The following LSG1 variants were observed in gnomAD, a reference collection of about 807,000 sequenced individuals.
The protein encoded by LSG1 is large subunit GTPase 1 homolog.
Under a neutral mutation model 82.6 loss-of-function variants are expected in LSG1, and 55 were observed. That is an observed-to-expected ratio of 0.67 (90% confidence interval 0.54 to 0.83). The LOEUF is 0.83. Ranked by LOEUF, LSG1 falls within the 40% of genes least tolerant of loss-of-function variation. The pLI is 0.00. For missense variants in LSG1, 809 were observed against 807.9 expected (o/e 1.00, Z -0.02); for synonymous variants, 272 against 282.5 (o/e 0.96, Z 0.37).
At position 194,653,067 on chromosome 3, in the gene LSG1, A is replaced by T; in HGVS notation, c.835T>A (p.Ser279Thr). 6.2e-7 allele frequency: 1 copy of T among 1,614,232 alleles called. No individual in the cohort carries two copies. Among genetic ancestry groups the T allele is most frequent in the Non-Finnish European group, 8.5e-7 (1 of 1,180,042 alleles). Reference protein sequence around the residue: ...GHSSFDQAEISHSESEHLPAR... With the variant: ...GHSSFDQAEITHSESEHLPAR... ...GGGAGATGTTCGGATTCACTGTGGG[A>T]AATTTCAGCCTGGTCGAAACTGGAA... Residue 279 changes from serine (S) to threonine (T), a missense_variant, in exon 8 of 14, where the codon TCC (serine) becomes ACC (threonine). By Grantham distance (58) the Ser-to-Thr change is moderately conservative. Coordinates refer to ENST00000265245, the MANE Select transcript of LSG1 (RefSeq NM_018385.3).
intron 11 of LSG1, 114 bp downstream of exon 11, chr3:194,648,567 A>C: frequency 8.4e-7 from 1 of 1,193,498 alleles, no homozygotes; most frequent in African/African-American, 1.5e-5. Flanking sequence ...CTGAAGAAAT[A>C]TTATAAATGT....
chr3:194,642,507 G>A, intron 13 of LSG1, among the ~76,000 whole-genome samples: 1 of 151,580 alleles, frequency 6.6e-6, no homozygotes, highest in East Asian at 1.9e-4. Flanking sequence ...AATACCAGCT[G>A]TGTTCTGGAA....
In LSG1 at chr3:194,666,221, C is replaced by T. The variant is rs1234175419; in HGVS notation, c.416G>A (p.Trp139Ter). ...TACTCACCGGACAAGCTGACGTCTC[C>T]ATTCTAGAAAGTTATCTTTCTCTGC... The part of the protein sequence containing the change: ...KQAEKDNFLE[W>*]RRQLVRLEEE... Residue 139 changes from tryptophan to a stop codon, truncating the protein, a stop_gained, in exon 4 of 14, where the codon TGG (tryptophan) becomes TAG (stop). Transcript: ENST00000265245. LOFTEE classifies it high-confidence loss of function. 11 of 1,613,950 alleles carry T rather than the reference C, an allele frequency of 6.8e-6. No individual in the cohort carries two copies. Among genetic ancestry groups the T allele is most frequent in the Non-Finnish European group, 9.3e-6 (11 of 1,179,956 alleles).
intron 11 of LSG1, among the ~76,000 whole-genome samples, chr3:194,647,125 T>G (rs1313808555): frequency 6.6e-6 from 1 of 152,124 alleles, no homozygotes; most frequent in East Asian, 1.9e-4. Flanking sequence ...TATACAACAA[T>G]AAATTTCGTC....
intron 10 of LSG1, among the ~76,000 whole-genome samples, chr3:194,649,575 A>G (rs1235277425): frequency 6.6e-6 from 1 of 151,700 alleles, no homozygotes; most frequent in African/African-American, 2.4e-5. Context: ...TGTTAATCCC[A>G]GCTACTCGGG....
chr3:194,665,425 T>C (rs1295391652), intron 5 of LSG1, 132 bp downstream of exon 5: 1 of 563,248 alleles, frequency 1.8e-6, no homozygotes, highest in Non-Finnish European at 3.1e-6. Context: ...TCATGCTGTG[T>C]TTTTATAATT....
Position 194,653,027 on chromosome 3 carries a change from G to A in LSG1, c.875C>T (p.Pro292Leu). ...ESEHLPARDS[P>L]SLSENPTTDE... ...CGTTGTGGGATTTTCACTAAGTGAAGGAGAATCCCTAGCTGGGAGATGTTC... is the reference window on the plus strand; with the variant it reads ...CGTTGTGGGATTTTCACTAAGTGAAAGAGAATCCCTAGCTGGGAGATGTTC... The change falls in exon 8 of 14, where the codon CCT becomes CTT. Residue 292 changes from proline to leucine, a missense_variant. Transcript: ENST00000265245. 1 of 1,614,176 alleles carries A rather than the reference G, an allele frequency of 6.2e-7. No homozygotes were observed. The highest frequency in any genetic ancestry group is 1.1e-5 in the South Asian group (1 of 91,082).
chr3:194,668,774 A>G (rs1484438925), intron 2 of LSG1, among the ~76,000 whole-genome samples: 1 of 152,192 alleles, frequency 6.6e-6, no homozygotes, highest in East Asian at 1.9e-4. Context: ...AGCGCTATTC[A>G]CAAGAGCCAA....
intron 10 of LSG1, among the ~76,000 whole-genome samples, chr3:194,650,265 T>C (rs1773204): frequency 0.83 from 126,423 of 152,176 alleles, 52,843 homozygotes; most frequent in East Asian, 0.94. Flanking sequence ...TTTTCCATGC[T>C]GGGCACTGTC....
chr3:194,648,744 G>A lies in LSG1; in HGVS notation c.1480C>T (p.Pro494Ser), dbSNP rs774627724. The A allele has an allele frequency of 1.1e-5, 17 of 1,613,792 alleles. No homozygotes were observed. The highest frequency in any genetic ancestry group is 1.7e-6 in the Non-Finnish European group (2 of 1,179,930). Residue 494 changes from proline to serine, a missense_variant, in exon 11 of 14, where the codon CCT becomes TCT. Coordinates refer to ENST00000265245, the MANE Select transcript of LSG1 (RefSeq NM_018385.3). The part of the protein sequence containing the change: ...EATYGINIIT[P>S]REDEDPHRPP... ...CGGTGGGGATCTTCATCCTCTCTAG[G>A]CGTTATGATGTTAATGCCATAGGTA...
At chr3:194,656,531 A>C (rs1158029341) in intron 7 of LSG1, among the ~76,000 whole-genome samples, 5 of 151,980 alleles carry the variant, frequency 3.3e-5, no homozygotes, top group African/African-American at 4.8e-5. Flanking sequence ...GAAATAGGAA[A>C]ACTTTTACAC....
intron 13 of LSG1, among the ~76,000 whole-genome samples, chr3:194,644,368 C>CAAAA (rs1395757240): frequency 2.1e-4 from 13 of 61,926 alleles, no homozygotes; most frequent in Admixed American, 3.8e-4. Flanking sequence ...GACTCCGTCT[C>CAAAA]AAAAAAAAAA....
chr3:194,645,079 T>C (rs76029925), intron 12 of LSG1: 12 of 179,300 alleles, frequency 6.7e-5, no homozygotes, highest in Non-Finnish European at 1.3e-4. Context: ...AAGACATAAC[T>C]GGACAGTTAC....
chr3:194,651,345 G>T, intron 8 of LSG1, 129 bp from the exon 9 acceptor site: 1 of 669,302 alleles, frequency 1.5e-6, no homozygotes, highest in Non-Finnish European at 2.6e-6. Flanking sequence ...TGAAATCCAT[G>T]CTGTGTTTGT....
chr3:194,665,103 T>C (rs1447750185), intron 5 of LSG1, among the ~76,000 whole-genome samples: 1 of 152,198 alleles, frequency 6.6e-6, no homozygotes, highest in Non-Finnish European at 1.5e-5. Flanking sequence ...AGTGCAAGAA[T>C]TGCATGTCAT....
In LSG1 at chr3:194,652,815, G is replaced by A. The variant is rs1360466423; in HGVS notation, c.1087C>T (p.Leu363=). The change falls in exon 8 of 14, where the codon CTG becomes TTG. Residue 363 remains leucine (L), a synonymous_variant. Coordinates refer to ENST00000265245, the MANE Select transcript of LSG1 (RefSeq NM_018385.3). ...QKRQIHNFSH[L]VSKQELLELF... ...TCCAGTAACTCCTGCTTGGATACCA[G>A]ATGGCTAAAATTGTGTATCTGCCTC... 1.2e-6 allele frequency: 2 copies of A among 1,614,182 alleles called. No individual in the cohort carries two copies. The highest frequency in any genetic ancestry group is 1.7e-6 in the Non-Finnish European group (2 of 1,180,046).
chr3:194,650,720 G>C (rs1162076739), intron 10 of LSG1, 161 bp downstream of exon 10: 2 of 661,832 alleles, frequency 3.0e-6, no homozygotes, highest in Non-Finnish European at 4.8e-6. Context: ...AGGAAATGAG[G>C]TTCTATTCTG....
At chr3:194,647,193 C>CT (rs1296421576) in intron 11 of LSG1, among the ~76,000 whole-genome samples, 1 of 152,186 alleles carries the variant, frequency 6.6e-6, no homozygotes, top group Non-Finnish European at 1.5e-5. Context: ...ATAGTTTTAT[C>CT]TTTTTGGGAG....
chr3:194,670,256 C>A, intron 1 of LSG1, 121 bp from the exon 2 acceptor site: 1 of 880,310 alleles, frequency 1.1e-6, no homozygotes, highest in South Asian at 1.6e-5. Flanking sequence ...CCTTTAGAAT[C>A]AATACTACTT....
Sources: gnomAD v4.1 joint callset for allele counts (sites outside exome capture counted in the v4.1 genomes callset) on GRCh38, gnomAD v4.1.1 for gene constraint, MANE v1.5 for transcripts, NCBI Gene and HGNC (gene_info 2026-07-23, HGNC 2026-07-21) for gene names.